Variants in FBXL5 observed in about 807,000 individuals in gnomAD.
FBXL5 encodes F-box and leucine rich repeat protein 5, also known as F-box/LRR-repeat protein 5.
Under a neutral mutation model 78.3 loss-of-function variants are expected in FBXL5, and 26 were observed. The observed-to-expected ratio is 0.33, with a 90% CI of 0.24 to 0.46. FBXL5 has a LOEUF of 0.46. FBXL5 is among the 20% of genes least tolerant of loss of function. The pLI, the probability that FBXL5 is intolerant of heterozygous loss-of-function variation, is 1.00. For missense variants in FBXL5, 710 were observed against 829.2 expected, an observed-to-expected ratio of 0.86 and a Z score of 1.77; for synonymous variants, 295 against 282.5, an observed-to-expected ratio of 1.04 and a Z score of -0.45.
At chr4:15,678,625 C>T (rs1208710127) in intron 1 of FBXL5, among the ~76,000 whole-genome samples, 1 of 152,196 alleles carries the variant, frequency 6.6e-6, no homozygotes, top group African/African-American at 2.4e-5. Context: ...AAATGATCTT[C>T]TGCATTCCTT....
intron 1 of FBXL5, among the ~76,000 whole-genome samples, chr4:15,647,327 TTATG>T (rs1715480628): frequency 6.6e-6 from 1 of 151,658 alleles, no homozygotes; most frequent in Non-Finnish European, 1.5e-5. Context: ...TTTCACTGTA[TTATG>T]TATTATAAGT....
intron 1 of FBXL5, among the ~76,000 whole-genome samples, chr4:15,671,141 C>T (rs1444576208): frequency 2.0e-5 from 3 of 151,876 alleles, no homozygotes; most frequent in Non-Finnish European, 4.4e-5. Context: ...CCAGGCTGGT[C>T]TCGAACTCCT....
chr4:15,674,269 T>C (rs891300567), intron 1 of FBXL5, among the ~76,000 whole-genome samples: 1 of 150,994 alleles, frequency 6.6e-6, no homozygotes, highest in Non-Finnish European at 1.5e-5. Context: ...TTGGAGGAAA[T>C]AGGATTGTTC....
upstream of FBXL5, among the ~76,000 whole-genome samples, chr4:15,656,784 G>T (rs1005024117): frequency 6.6e-6 from 1 of 151,120 alleles, no homozygotes; most frequent in African/African-American, 2.4e-5. Context: ...TTATATATTT[G>T]AAGCACTTAT....
At chr4:15,656,517 A>G (rs1716962858), upstream of FBXL5, among the ~76,000 whole-genome samples, 1 of 152,256 alleles carries the variant, frequency 6.6e-6, no homozygotes, top group Admixed American at 6.5e-5. Context: ...TAAATAGTCA[A>G]CAAATAATGG....
intron 1 of FBXL5, among the ~76,000 whole-genome samples, chr4:15,652,434 C>A (rs1429735494): frequency 6.6e-6 from 1 of 152,172 alleles, no homozygotes; most frequent in Non-Finnish European, 1.5e-5. Flanking sequence ...CTTGTCTTTA[C>A]ATAACTCAAA....
chr4:15,629,185 G>T (rs1713376327), intron 6 of FBXL5, among the ~76,000 whole-genome samples: 1 of 152,044 alleles, frequency 6.6e-6, no homozygotes, highest in Non-Finnish European at 1.5e-5. Flanking sequence ...ATCTAAAAAG[G>T]CTCAATCTTT....
At chr4:15,655,391 CCCGTCGGCGCGCGCGCCCGGTCGGCTTGG>C, upstream of FBXL5, 3 of 1,043,218 alleles carry the variant, frequency 2.9e-6, no homozygotes, top group Non-Finnish European at 3.5e-6. Context: ...ATGCGCCCGC[CCCGTCGGCGCGCGCGCCCGGTCGGCTTGG>C]CCGGCGGGGA....
At chr4:15,642,377 T>G (rs993708421) in intron 2 of FBXL5, among the ~76,000 whole-genome samples, 1 of 151,728 alleles carries the variant, frequency 6.6e-6, no homozygotes, top group Admixed American at 6.6e-5. Flanking sequence ...GGACTACAGG[T>G]GCCCATCACA....
intron 1 of FBXL5, among the ~76,000 whole-genome samples, chr4:15,672,317 A>G (rs1398271718): frequency 6.6e-6 from 1 of 152,224 alleles, no homozygotes; most frequent in Non-Finnish European, 1.5e-5. Flanking sequence ...GCACGACACA[A>G]TTACAGTCAT....
At chr4:15,628,400 A>G (rs1713281379) in intron 6 of FBXL5, among the ~76,000 whole-genome samples, 2 of 152,220 alleles carry the variant, frequency 1.3e-5, no homozygotes, top group African/African-American at 4.8e-5. Flanking sequence ...CTAAGAAGCT[A>G]AAAATGAGCA....
intron 1 of FBXL5, among the ~76,000 whole-genome samples, chr4:15,679,063 A>AT (rs60866290): frequency 0.02 from 2,343 of 118,758 alleles, 80 homozygotes; most frequent in African/African-American, 0.058. Flanking sequence ...TAAAATCTCT[A>AT]TTTTTTTTTT....
chr4:15,630,473 T>C, intron 6 of FBXL5, among the ~76,000 whole-genome samples, 193 bp downstream of exon 6: 1 of 152,212 alleles, frequency 6.6e-6, no homozygotes, highest in East Asian at 1.9e-4. Flanking sequence ...AATAATCCTA[T>C]GCACTCTTTA....
chr4:15,618,733 T>A (rs913823108), intron 9 of FBXL5, among the ~76,000 whole-genome samples: 1 of 152,022 alleles, frequency 6.6e-6, no homozygotes, highest in African/African-American at 2.4e-5. Context: ...TCCCAGCTAC[T>A]TGGGAGGGTG....
chr4:15,675,374 C>A (rs182553280), intron 1 of FBXL5, among the ~76,000 whole-genome samples: 1 of 152,108 alleles, frequency 6.6e-6, no homozygotes, highest in Non-Finnish European at 1.5e-5. Context: ...AAATGACCAA[C>A]TACTACTATA....
intron 2 of FBXL5, among the ~76,000 whole-genome samples, chr4:15,644,229 T>G (rs762652875): frequency 5.9e-5 from 9 of 152,220 alleles, no homozygotes; most frequent in Non-Finnish European, 1.2e-4. Flanking sequence ...TAGTTTTCCA[T>G]CCACTCTTCC....
chr4:15,665,551 T>C (rs1717505758), intron 1 of FBXL5, among the ~76,000 whole-genome samples: 1 of 152,122 alleles, frequency 6.6e-6, no homozygotes, highest in African/African-American at 2.4e-5. Context: ...ACAGCTAATA[T>C]TCAAATATAA....
At chr4:15,673,152 T>C (rs1440159035) in intron 1 of FBXL5, among the ~76,000 whole-genome samples, 1 of 152,066 alleles carries the variant, frequency 6.6e-6, no homozygotes, top group African/African-American at 2.4e-5. Flanking sequence ...TACTCTAAAA[T>C]AACAATAGGG....
chr4:15,659,129 GAAGGGTACC>G (rs1717177150), upstream of FBXL5, among the ~76,000 whole-genome samples: 2 of 152,150 alleles, frequency 1.3e-5, no homozygotes, highest in Admixed American at 6.5e-5. Flanking sequence ...GTCATAAATG[GAAGGGTACC>G]CAGTAAAATA....
Sources: allele counts gnomAD v4.1 joint callset (sites outside exome capture counted in the v4.1 genomes callset), GRCh38; gene constraint gnomAD v4.1.1; transcripts MANE v1.5; gene names NCBI Gene and HGNC (gene_info 2026-07-23, HGNC 2026-07-21).